EXTL3: variants seen among roughly 807,000 people sequenced by gnomAD.
EXTL3 encodes exostosin-like 3.
In EXTL3, 27 loss-of-function variants were observed where a neutral mutation model predicts 69.3. The observed-to-expected ratio is 0.39, with a 90% CI of 0.29 to 0.54. The LOEUF is 0.54. EXTL3 is among the 20% of genes least tolerant of loss of function. EXTL3 has a pLI of 0.69. For synonymous variants in EXTL3, 511 were observed against 499.4 expected (o/e 1.02, Z -0.31); for missense variants, 1,003 against 1,231.8 (o/e 0.81, Z 2.78).
intron 3 of EXTL3, among the ~76,000 whole-genome samples, chr8:28,726,879 C>CTTT (rs11458194): frequency 0.011 from 1,063 of 99,870 alleles, 48 homozygotes; most frequent in African/African-American, 0.035. Context: ...CTTTTCTTTT[C>CTTT]TTTTTTTTTT....
chr8:28,665,188 C>T (rs1211574104), intron 1 of EXTL3, among the ~76,000 whole-genome samples: 2 of 149,516 alleles, frequency 1.3e-5, no homozygotes, highest in Non-Finnish European at 3.0e-5. Flanking sequence ...TCTCATGCCT[C>T]AGCCTCCCGA....
At chr8:28,743,283 G>C in intron 6 of EXTL3, 69 bp downstream of exon 6, 2 of 1,519,708 alleles carry the variant, frequency 1.3e-6, no homozygotes, top group Non-Finnish European at 9.1e-7. Context: ...CAGTAGTGCA[G>C]CACGTAACTG....
At chr8:28,647,990 G>A (rs1303536925) in intron 1 of EXTL3, among the ~76,000 whole-genome samples, 1 of 151,564 alleles carries the variant, frequency 6.6e-6, no homozygotes, top group Non-Finnish European at 1.5e-5. Context: ...GATCAGTGGA[G>A]GTCCTTTGAT....
At chr8:28,732,543 A>G (rs1441006676) in intron 4 of EXTL3, among the ~76,000 whole-genome samples, 1 of 151,988 alleles carries the variant, frequency 6.6e-6, no homozygotes, top group African/African-American at 2.4e-5. Context: ...ATTAACAGCC[A>G]CTCCCAATTT....
chr8:28,684,000 T>C, intron 1 of EXTL3, among the ~76,000 whole-genome samples: 1 of 152,206 alleles, frequency 6.6e-6, no homozygotes, highest in Non-Finnish European at 1.5e-5. Context: ...TTTTAATTCT[T>C]AGCTCCCACA....
At chr8:28,710,095 T>TAAA (rs1407316227) in intron 1 of EXTL3, among the ~76,000 whole-genome samples, 3 of 151,926 alleles carry the variant, frequency 2.0e-5, no homozygotes, top group Non-Finnish European at 1.5e-5. Flanking sequence ...TAAATCTCTG[T>TAAA]ATACAACTAT....
chr8:28,725,263 CT>C (rs1801389408), intron 3 of EXTL3, among the ~76,000 whole-genome samples: 1 of 152,030 alleles, frequency 6.6e-6, no homozygotes, highest in Admixed American at 6.6e-5. Context: ...GTCCCTTTTC[CT>C]TTGTGATAGG....
chr8:28,734,266 G>A (rs922433723), intron 4 of EXTL3, among the ~76,000 whole-genome samples: 3 of 152,190 alleles, frequency 2.0e-5, no homozygotes, highest in African/African-American at 4.8e-5. Context: ...CACAGGGTTC[G>A]TGTTTTGAAG....
intron 2 of EXTL3, among the ~76,000 whole-genome samples, chr8:28,610,802 A>G (rs10086166): frequency 0.29 from 43,521 of 150,688 alleles, 6,450 homozygotes; most frequent in African/African-American, 0.33. Flanking sequence ...GCAGTGGTGC[A>G]ATCTCAGTTC....
At chr8:28,640,328 A>G (rs1806722628) in intron 1 of EXTL3, among the ~76,000 whole-genome samples, 3 of 152,312 alleles carry the variant, frequency 2.0e-5, no homozygotes, top group Admixed American at 2.0e-4. Context: ...TAAAAATATA[A>G]TATCTATTCT....
chr8:28,695,355 C>T (rs1800670388), intron 1 of EXTL3, among the ~76,000 whole-genome samples: 1 of 152,088 alleles, frequency 6.6e-6, no homozygotes, highest in African/African-American at 2.4e-5. Context: ...TCTTGAACTC[C>T]TGACCTTGTG....
At chr8:28,619,341 A>G (rs564924807), upstream of EXTL3, among the ~76,000 whole-genome samples, 7 of 142,148 alleles carry the variant, frequency 4.9e-5, no homozygotes, top group African/African-American at 1.8e-4. Flanking sequence ...GGACGCTCTA[A>G]CCTAAATATC....
intron 4 of EXTL3, among the ~76,000 whole-genome samples, chr8:28,733,517 C>T (rs901798533): frequency 2.0e-5 from 3 of 150,504 alleles, no homozygotes; most frequent in Admixed American, 6.6e-5. Flanking sequence ...TCCTGAGTAG[C>T]GGGGACTACA....
chr8:28,726,861 T>C (rs1801423157), intron 3 of EXTL3, among the ~76,000 whole-genome samples: 2 of 151,336 alleles, frequency 1.3e-5, no homozygotes, highest in South Asian at 4.2e-4. Flanking sequence ...TCTGTGAATC[T>C]TTAACAGCTT....
chr8:28,689,334 ACT>A (rs1216545799), intron 1 of EXTL3, among the ~76,000 whole-genome samples: 5 of 151,908 alleles, frequency 3.3e-5, no homozygotes, highest in African/African-American at 9.7e-5. Context: ...ATCACTGGGA[ACT>A]CTCTCCCACA....
chr8:28,731,112 G>A, intron 3 of EXTL3, 111 bp from the exon 4 acceptor site: 1 of 1,403,346 alleles, frequency 7.1e-7, no homozygotes, highest in Non-Finnish European at 1.0e-6. Context: ...CGGAGATCAG[G>A]CAAAATTATT....
intron 1 of EXTL3, among the ~76,000 whole-genome samples, chr8:28,706,988 C>T (rs1026692988): frequency 2.6e-5 from 4 of 152,016 alleles, no homozygotes; most frequent in South Asian, 2.1e-4. Flanking sequence ...TTTCTTGTTA[C>T]GGTTCATTTA....
intron 3 of EXTL3, among the ~76,000 whole-genome samples, chr8:28,725,432 T>G (rs17059332): frequency 0.014 from 2,079 of 152,266 alleles, 52 homozygotes; most frequent in African/African-American, 0.048. Context: ...CACTAAATAC[T>G]AAGAGGTTTC....
chr8:28,694,523 C>G (rs1332083761), intron 1 of EXTL3, among the ~76,000 whole-genome samples: 1 of 152,220 alleles, frequency 6.6e-6, no homozygotes, highest in African/African-American at 2.4e-5. Context: ...AAGTTTCAGG[C>G]TCTGGAGTTA....
Sources: gnomAD v4.1 joint callset for allele counts (sites outside exome capture counted in the v4.1 genomes callset) on GRCh38, gnomAD v4.1.1 for gene constraint, MANE v1.5 for transcripts, NCBI Gene and HGNC (gene_info 2026-07-23, HGNC 2026-07-21) for gene names.